The following CCDC141 variants were observed in gnomAD, a reference collection of about 807,000 sequenced individuals.
CCDC141 encodes coiled-coil domain containing 141, also known as coiled-coil domain-containing protein 141.
In CCDC141, 168 loss-of-function variants were observed where a neutral mutation model predicts 181.0. The observed-to-expected ratio is 0.93, with a 90% CI of 0.82 to 1.05. CCDC141 has a LOEUF of 1.05. Among genes scored for constraint, CCDC141 ranks in the 50% least tolerant of loss-of-function variants. CCDC141 has a pLI of 0.00. For synonymous variants in CCDC141, 666 were observed against 642.3 expected (o/e 1.04, Z -0.56); for missense variants, 1,902 against 1,788.5 (o/e 1.06, Z -1.14).
chr2:178,863,249 G>C (rs1003217295), intron 17 of CCDC141, among the ~76,000 whole-genome samples: 1 of 152,150 alleles, frequency 6.6e-6, no homozygotes, highest in African/African-American at 2.4e-5. Flanking sequence ...TCTGAAAAAT[G>C]AACATACTGA....
At chr2:178,977,650 T>C (rs1691180496) in intron 3 of CCDC141, among the ~76,000 whole-genome samples, 1 of 152,244 alleles carries the variant, frequency 6.6e-6, no homozygotes, top group Non-Finnish European at 1.5e-5. Flanking sequence ...ACTAATCTTC[T>C]TTCCTTCATT....
intron 6 of CCDC141, among the ~76,000 whole-genome samples, chr2:178,930,586 G>A (rs1185546196): frequency 6.6e-6 from 1 of 152,126 alleles, no homozygotes; most frequent in Non-Finnish European, 1.5e-5. Context: ...TCAAAGCAGT[G>A]TGTCAAACTG....
intron 17 of CCDC141, among the ~76,000 whole-genome samples, chr2:178,861,613 G>C (rs543612791): frequency 1.0e-4 from 15 of 149,726 alleles, no homozygotes; most frequent in African/African-American, 3.7e-4. Context: ...TCCAGCCTGG[G>C]CGACAGAGTG....
the CCDC141 span, among the ~76,000 whole-genome samples, chr2:178,822,084 A>T: frequency 6.6e-6 from 1 of 152,102 alleles, no homozygotes; most frequent in Non-Finnish European, 1.5e-5. Flanking sequence ...GCCATAAAAA[A>T]TGATGAGTTC....
intron 21 of CCDC141, among the ~76,000 whole-genome samples, chr2:178,847,366 C>CA (rs1329681566): frequency 6.6e-6 from 1 of 151,904 alleles, no homozygotes; most frequent in Non-Finnish European, 1.5e-5. Context: ...CTCAACTTTA[C>CA]AAAAAAATCA....
At chr2:178,854,145 T>C (rs1404543916) in intron 19 of CCDC141, among the ~76,000 whole-genome samples, 1 of 152,252 alleles carries the variant, frequency 6.6e-6, no homozygotes, top group Non-Finnish European at 1.5e-5. Context: ...TGGGAAAATA[T>C]CATCTAACAA....
intron 3 of CCDC141, among the ~76,000 whole-genome samples, chr2:178,976,824 G>A (rs1325101643): frequency 6.6e-6 from 1 of 152,086 alleles, no homozygotes; most frequent in East Asian, 1.9e-4. Context: ...TTCCTAGCAG[G>A]TAGTTTGTTT....
chr2:178,965,370 C>T (rs1690578583), intron 4 of CCDC141, among the ~76,000 whole-genome samples: 1 of 152,196 alleles, frequency 6.6e-6, no homozygotes, highest in Non-Finnish European at 1.5e-5. Flanking sequence ...GTCTGCAGCT[C>T]CTAGAGAGAT....
chr2:179,015,845 A>G (rs1282435375), intron 2 of CCDC141, among the ~76,000 whole-genome samples: 2 of 143,392 alleles, frequency 1.4e-5, no homozygotes, highest in Non-Finnish European at 3.0e-5. Flanking sequence ...TATATCTCAT[A>G]TATCTCATAT....
chr2:178,836,859 T>C lies in CCDC141; in HGVS notation c.4325+35A>G, dbSNP rs761304412. ...TGATTTTTCTCTGTGATTGAATTTG[T>C]TTCCATTTATGGCTTGTCATTATAG... is the stretch of plus-strand genomic sequence containing the variant. On this transcript the variant is annotated intron_variant, in intron 23 of 23. Coordinates refer to ENST00000443758, the MANE Select transcript of CCDC141 (RefSeq NM_173648.4). The C allele has an allele frequency of 2.7e-5, 42 of 1,570,194 alleles. 1 individual carries two copies. The highest frequency in any genetic ancestry group is 6.1e-5 in the Admixed American group (3 of 49,170).
At chr2:178,903,659 T>G (rs1171232119) in intron 8 of CCDC141, among the ~76,000 whole-genome samples, 3 of 150,884 alleles carry the variant, frequency 2.0e-5, no homozygotes, top group Non-Finnish European at 4.4e-5. Flanking sequence ...TAATGCTAAA[T>G]GACGAGTTAA....
At chr2:178,834,625 C>T (rs539338916) in intron 23 of CCDC141, among the ~76,000 whole-genome samples, 185 bp from the exon 24 acceptor site, 14 of 151,972 alleles carry the variant, frequency 9.2e-5, no homozygotes, top group Non-Finnish European at 1.6e-4. Flanking sequence ...GGCTAGATTG[C>T]AGTAGCAGAA....
At chr2:179,018,626 A>G (rs932715643) in intron 2 of CCDC141, among the ~76,000 whole-genome samples, 4 of 151,792 alleles carry the variant, frequency 2.6e-5, no homozygotes, top group Admixed American at 2.0e-4. Flanking sequence ...TCTCCATGAA[A>G]CCCTTCTCTC....
At chr2:178,851,226 G>A (rs536257930) in intron 20 of CCDC141, among the ~76,000 whole-genome samples, 1 of 141,404 alleles carries the variant, frequency 7.1e-6, no homozygotes, top group East Asian at 2.1e-4. Flanking sequence ...AAAAAAAAAG[G>A]ACTTCTTTAG....
intron 2 of CCDC141, among the ~76,000 whole-genome samples, chr2:179,014,700 C>T (rs1042737172): frequency 1.3e-5 from 2 of 151,916 alleles, no homozygotes; most frequent in African/African-American, 4.8e-5. Context: ...CAGGAAAATG[C>T]AAATCAAAAC....
chr2:179,032,786 C>T (rs946054240), intron 2 of CCDC141, among the ~76,000 whole-genome samples: 2 of 147,614 alleles, frequency 1.4e-5, no homozygotes, highest in African/African-American at 5.1e-5. Context: ...ATTCTAATTT[C>T]GCTCAAGGAC....
intron 2 of CCDC141, among the ~76,000 whole-genome samples, chr2:178,983,502 C>G (rs940907190): frequency 6.6e-6 from 1 of 150,912 alleles, no homozygotes; most frequent in Non-Finnish European, 1.5e-5. Context: ...AGGCTTCAGA[C>G]GATCAAATTA....
intron 15 of CCDC141, among the ~76,000 whole-genome samples, chr2:178,868,726 T>A (rs1685972311): frequency 6.6e-6 from 1 of 151,518 alleles, no homozygotes; most frequent in African/African-American, 2.4e-5. Context: ...TAATTAAGAA[T>A]CAAGATAGTA....
chr2:178,961,300 T>G lies in CCDC141; in HGVS notation c.710A>C (p.Tyr237Ser). Residue 237 changes from tyrosine to serine, a missense_variant, in exon 5 of 24, where the codon TAC (tyrosine) becomes TCC (serine). Physicochemically the swap from Tyr to Ser is moderately radical, Grantham distance 144. Coordinates refer to ENST00000443758, the MANE Select transcript of CCDC141 (RefSeq NM_173648.4). ...LQDRRRQLDK[Y>S]LKQQWQELSQ... ...CAATTCTTGCCACTGTTGCTTCAAG[T>G]ACTTGTCTAGTTGTCTTCTCCTGTC... 4 of 1,550,588 alleles carry G rather than the reference T, an allele frequency of 2.6e-6. 1 individual carries two copies. Among genetic ancestry groups the G allele is most frequent in the Non-Finnish European group, 3.5e-6 (4 of 1,146,944 alleles).
Sources: allele counts gnomAD v4.1 joint callset (sites outside exome capture counted in the v4.1 genomes callset), GRCh38; gene constraint gnomAD v4.1.1; transcripts MANE v1.5; gene names NCBI Gene and HGNC (gene_info 2026-07-23, HGNC 2026-07-21).